B3GALT1: variants seen among roughly 807,000 people sequenced by gnomAD.
B3GALT1 encodes beta-1,3-galactosyltransferase 1.
Under a neutral mutation model 23.2 loss-of-function variants are expected in B3GALT1, and 10 were observed. The ratio of observed to expected loss-of-function variants is 0.43; its 90% confidence interval spans 0.27 to 0.73. The LOEUF is 0.73. Ranked by LOEUF, B3GALT1 falls within the 30% of genes least tolerant of loss-of-function variation. The pLI, the probability that B3GALT1 is intolerant of heterozygous loss-of-function variation, is 0.21. For synonymous variants in B3GALT1, 156 were observed against 141.5 expected (o/e 1.10, Z -0.73); for missense variants, 299 against 405.4 (o/e 0.74, Z 2.25).
At chr2:167,802,990 C>CA (rs982118549) in intron 3 of B3GALT1, among the ~76,000 whole-genome samples, 1 of 151,490 alleles carries the variant, frequency 6.6e-6, no homozygotes, top group African/African-American at 2.4e-5. Context: ...ATTTAGGCTG[C>CA]AAAAAATGAT....
At chr2:167,825,046 A>G (rs113109169) in intron 4 of B3GALT1, among the ~76,000 whole-genome samples, 5,368 of 151,994 alleles carry the variant, frequency 0.035, 317 homozygotes, top group African/African-American at 0.12. Context: ...AGCACTTTGG[A>G]AGGCCGAGGT....
At chr2:167,758,617 C>T (rs531195859) in intron 3 of B3GALT1, among the ~76,000 whole-genome samples, 1 of 152,142 alleles carries the variant, frequency 6.6e-6, no homozygotes, top group Non-Finnish European at 1.5e-5. Flanking sequence ...CTGCCTAACA[C>T]TCCTCTTCCC....
chr2:167,457,554 C>T (rs576064508), intron 1 of B3GALT1, among the ~76,000 whole-genome samples: 25 of 152,026 alleles, frequency 1.6e-4, no homozygotes, highest in African/African-American at 5.8e-4. Flanking sequence ...GAGTGACTTC[C>T]AAAAGTTGAC....
rs553371318 is a variant in B3GALT1 at position 167,480,944 on chromosome 2, T to A, written c.-510-9233T>A. 3.3e-5 allele frequency among the ~76,000 whole-genome samples: 5 copies of A among 152,328 alleles called. No homozygotes were observed. In the South Asian group the frequency reaches 1.0e-3, roughly 32 times the overall value. On this transcript the variant is annotated intron_variant, in intron 1 of 4. Coordinates refer to ENST00000392690, the MANE Select transcript of B3GALT1 (RefSeq NM_020981.4). ...CTGTAGAAAAACTGCTCATATGGCA[T>A]CACTTATCTTTTCCACCTTCACTGT...
At chr2:167,700,015 G>T (rs1686854129) in intron 3 of B3GALT1, among the ~76,000 whole-genome samples, 1 of 152,154 alleles carries the variant, frequency 6.6e-6, no homozygotes, top group Admixed American at 6.5e-5. Flanking sequence ...GCGCAGCCTA[G>T]ACAAATTTTT....
At chr2:167,793,250 T>TGAAAA (rs1381464657) in intron 3 of B3GALT1, among the ~76,000 whole-genome samples, 1 of 152,138 alleles carries the variant, frequency 6.6e-6, no homozygotes, top group Non-Finnish European at 1.5e-5. Context: ...ATCGTGCACC[T>TGAAAA]AGTGCTTCTT....
chr2:167,659,800 G>A lies in B3GALT1; in HGVS notation c.-352+12834G>A, dbSNP rs114810010. 6.3e-3 allele frequency among the ~76,000 whole-genome samples: 952 copies of A among 152,052 alleles called. 12 individuals are homozygous for A. Among genetic ancestry groups the A allele is most frequent in the African/African-American group, 0.022 (906 of 41,496 alleles). On this transcript the variant is annotated intron_variant, in intron 3 of 4. Coordinates refer to ENST00000392690, the MANE Select transcript of B3GALT1 (RefSeq NM_020981.4). ...CCAGATCACCAATAGTTGAGTCTTA[G>A]GGCATTTCAAAGAGAGAGAATCTCC...
At chr2:167,641,530 A>G (rs1337274825) in intron 2 of B3GALT1, among the ~76,000 whole-genome samples, 1 of 152,192 alleles carries the variant, frequency 6.6e-6, no homozygotes, top group African/African-American at 2.4e-5. Context: ...TCTTAAAACA[A>G]TGTTTTGCAG....
chr2:167,536,696 C>T (rs1299547250), intron 2 of B3GALT1, among the ~76,000 whole-genome samples: 7 of 152,186 alleles, frequency 4.6e-5, no homozygotes, highest in South Asian at 2.1e-4. Context: ...ATCCCTCTTA[C>T]GCAGGATATG....
chr2:167,785,568 C>G (rs1558978444), intron 3 of B3GALT1, among the ~76,000 whole-genome samples: 1 of 152,168 alleles, frequency 6.6e-6, no homozygotes, highest in Non-Finnish European at 1.5e-5. Context: ...GTATAATTTT[C>G]AGTGATGGAC....
intron 2 of B3GALT1, among the ~76,000 whole-genome samples, chr2:167,573,746 C>A (rs574692064): frequency 6.6e-6 from 1 of 151,442 alleles, no homozygotes; most frequent in African/African-American, 2.4e-5. Flanking sequence ...AAAGAATAGG[C>A]TACATAAATA....
intron 2 of B3GALT1, among the ~76,000 whole-genome samples, chr2:167,638,490 T>C (rs57169934): frequency 0.017 from 2,517 of 152,164 alleles, 100 homozygotes; most frequent in East Asian, 0.13. Context: ...GTGAGATTTG[T>C]GTTTGAAACT....
chr2:167,309,323 A>G (rs770232668), intron 1 of B3GALT1, among the ~76,000 whole-genome samples: 50 of 152,206 alleles, frequency 3.3e-4, no homozygotes, highest in Admixed American at 9.8e-4. Context: ...AAATTAATGT[A>G]CTGTAAAGTT....
chr2:167,540,720 T>G (rs78467547), intron 2 of B3GALT1, among the ~76,000 whole-genome samples: 1 of 152,128 alleles, frequency 6.6e-6, no homozygotes, highest in African/African-American at 2.4e-5. Context: ...TTATTTCTAA[T>G]GTACCATTAA....
chr2:167,761,895 A>G (rs1370497807), intron 3 of B3GALT1, among the ~76,000 whole-genome samples: 2 of 152,220 alleles, frequency 1.3e-5, no homozygotes, highest in Non-Finnish European at 2.9e-5. Flanking sequence ...TTAAATGTCC[A>G]AGTTCTAAAT....
intron 4 of B3GALT1, among the ~76,000 whole-genome samples, chr2:167,858,367 G>C (rs1574305010): frequency 6.8e-6 from 1 of 147,530 alleles, no homozygotes; most frequent in South Asian, 2.1e-4. Context: ...AAAAAAAACT[G>C]CTTTTGCACC....
intron 3 of B3GALT1, among the ~76,000 whole-genome samples, chr2:167,795,364 T>C (rs553808101): frequency 1.2e-4 from 19 of 152,304 alleles, no homozygotes; most frequent in Admixed American, 8.5e-4. Flanking sequence ...AAAATTTTAA[T>C]TGGGAAAAGC....
chr2:167,570,636 G>T (rs762787137), intron 2 of B3GALT1, among the ~76,000 whole-genome samples: 10 of 151,858 alleles, frequency 6.6e-5, no homozygotes, highest in Non-Finnish European at 1.0e-4. Context: ...CTTCTTACCA[G>T]TTAAGTCAAA....
chr2:167,371,796 T>C (rs996560861), intron 1 of B3GALT1, among the ~76,000 whole-genome samples: 3 of 94,516 alleles, frequency 3.2e-5, no homozygotes, highest in African/African-American at 8.9e-5. Flanking sequence ...GAATCTCTAA[T>C]AAGAAATATT....
Sources: allele counts gnomAD v4.1 joint callset (sites outside exome capture counted in the v4.1 genomes callset), GRCh38; gene constraint gnomAD v4.1.1; transcripts MANE v1.5; gene names NCBI Gene and HGNC (gene_info 2026-07-23, HGNC 2026-07-21).